The following EPHB2 variants were observed in gnomAD, a reference collection of about 807,000 sequenced individuals.
EPHB2 encodes EPH receptor B2.
Under a neutral mutation model 96.4 loss-of-function variants are expected in EPHB2, and 18 were observed. The observed-to-expected ratio is 0.19, with a 90% CI of 0.13 to 0.28. The LOEUF is 0.28. Ranked by LOEUF, EPHB2 falls within the 10% of genes least tolerant of loss-of-function variation. The pLI is 1.00. For missense variants in EPHB2, 989 were observed against 1,355.4 expected, an observed-to-expected ratio of 0.73 and a Z score of 4.25; for synonymous variants, 506 against 534.1, an observed-to-expected ratio of 0.95 and a Z score of 0.72.
intron 9 of EPHB2, among the ~76,000 whole-genome samples, chr1:22,902,708 C>T (rs180868477): frequency 2.2e-4 from 33 of 152,348 alleles, no homozygotes; most frequent in African/African-American, 6.7e-4. Context: ...AAAGGGTAAA[C>T]TAAGCCCTCA....
intron 3 of EPHB2, among the ~76,000 whole-genome samples, chr1:22,829,331 G>A (rs541365594): frequency 2.6e-5 from 4 of 152,320 alleles, no homozygotes; most frequent in East Asian, 1.9e-4. Context: ...CCCGGTCAGC[G>A]TCTCTCCTTT....
chr1:22,724,748 G>A (rs1643545252), intron 1 of EPHB2, among the ~76,000 whole-genome samples: 1 of 152,200 alleles, frequency 6.6e-6, no homozygotes, highest in South Asian at 2.1e-4. Flanking sequence ...CGCAGGACAT[G>A]GCCCTTTCTC....
At chr1:22,715,901 C>T (rs928995825) in intron 1 of EPHB2, among the ~76,000 whole-genome samples, 1 of 152,240 alleles carries the variant, frequency 6.6e-6, no homozygotes, top group African/African-American at 2.4e-5. Flanking sequence ...CCCTGGGTTC[C>T]TGTGTCAGAC....
intron 1 of EPHB2, among the ~76,000 whole-genome samples, chr1:22,725,319 G>A (rs1365059432): frequency 1.3e-5 from 2 of 152,074 alleles, no homozygotes; most frequent in African/African-American, 4.8e-5. Flanking sequence ...GAGGTAGATT[G>A]TTGAGTGGTT....
chr1:22,752,250 C>T (rs1644074951), intron 1 of EPHB2, among the ~76,000 whole-genome samples: 1 of 152,248 alleles, frequency 6.6e-6, no homozygotes, highest in Non-Finnish European at 1.5e-5. Flanking sequence ...ATAATCCCAG[C>T]ACTTTGGGGG....
intron 14 of EPHB2, among the ~76,000 whole-genome samples, chr1:22,911,190 G>A (rs1481978746): frequency 1.9e-5 from 2 of 106,798 alleles, no homozygotes; most frequent in Non-Finnish European, 4.1e-5. Context: ...AATTACCAAA[G>A]GATCCAGAAT....
chr1:22,717,938 G>A (rs909952824), intron 1 of EPHB2, among the ~76,000 whole-genome samples: 17 of 152,144 alleles, frequency 1.1e-4, no homozygotes, highest in Admixed American at 7.9e-4. Flanking sequence ...GGTAATCATT[G>A]TTCCTAGCTC....
chr1:22,892,654 A>T (rs1416483232), intron 6 of EPHB2, among the ~76,000 whole-genome samples: 1 of 152,218 alleles, frequency 6.6e-6, no homozygotes, highest in East Asian at 1.9e-4. Context: ...CATGTGGACA[A>T]ATTCAACATC....
At chr1:22,756,268 G>T (rs1644148528) in intron 1 of EPHB2, among the ~76,000 whole-genome samples, 1 of 152,146 alleles carries the variant, frequency 6.6e-6, no homozygotes, top group African/African-American at 2.4e-5. Flanking sequence ...GTTCGGGGAA[G>T]GTCTGTGTGG....
chr1:22,892,844 A>G, intron 6 of EPHB2, 40 bp from the exon 7 acceptor site: 1 of 1,614,108 alleles, frequency 6.2e-7, no homozygotes. Flanking sequence ...ACCCACTATG[A>G]GCCACAACCT....
Position 22,908,011 on chromosome 1 carries a change from C to G in EPHB2, c.2195C>G (p.Ala732Gly), listed in dbSNP as rs1639972252. ...GTGGGCATGCTTCGGGGCATCGCAG[C>G]TGGCATGAAGTACCTGGCAGACATG... ...QLVGMLRGIAAGMKYLADMNY... is the reference protein window; with the variant it reads ...QLVGMLRGIAGGMKYLADMNY... Residue 732 changes from alanine to glycine, a missense_variant, in exon 12 of 16, where the codon GCT (alanine) becomes GGT (glycine). Coordinates refer to ENST00000374630, the MANE Select transcript of EPHB2 (RefSeq NM_017449.5). The G allele has an allele frequency of 1.2e-6, 2 of 1,614,272 alleles. No homozygotes were observed. Among genetic ancestry groups the G allele is most frequent in the Non-Finnish European group, 1.7e-6 (2 of 1,180,048 alleles).
intron 7 of EPHB2, among the ~76,000 whole-genome samples, chr1:22,894,827 CT>C (rs1398184083): frequency 6.6e-6 from 1 of 152,114 alleles, no homozygotes; most frequent in Non-Finnish European, 1.5e-5. Flanking sequence ...GTTTCTTCAT[CT>C]GTAAAATGGG....
intron 11 of EPHB2, 29 bp from the exon 12 acceptor site, chr1:22,907,924 A>G: frequency 6.2e-7 from 1 of 1,611,468 alleles, no homozygotes; most frequent in Non-Finnish European, 8.5e-7. Context: ...TCTTCTGTTT[A>G]CTCTGTGTTT....
At chr1:22,822,951 G>A (rs1645172571) in intron 3 of EPHB2, among the ~76,000 whole-genome samples, 1 of 152,258 alleles carries the variant, frequency 6.6e-6, no homozygotes, top group Admixed American at 6.5e-5. Flanking sequence ...AGGCCTCCAG[G>A]AGACAGTTTG....
chr1:22,827,963 A>T (rs1235984787), intron 3 of EPHB2, among the ~76,000 whole-genome samples: 1 of 152,226 alleles, frequency 6.6e-6, no homozygotes. Context: ...CCAGGGCTAT[A>T]AACGTGAGCA....
intron 1 of EPHB2, among the ~76,000 whole-genome samples, chr1:22,713,844 G>A (rs1643224292): frequency 6.6e-6 from 1 of 152,190 alleles, no homozygotes; most frequent in Non-Finnish European, 1.5e-5. Context: ...GTGTATACGG[G>A]GGGTTTCTAG....
chr1:22,854,433 G>A (rs1645670127), intron 3 of EPHB2, among the ~76,000 whole-genome samples: 1 of 152,152 alleles, frequency 6.6e-6, no homozygotes, highest in South Asian at 2.1e-4. Flanking sequence ...GATCACATGA[G>A]CCCAGGAAGT....
chr1:22,829,128 A>G (rs937064289), intron 3 of EPHB2, among the ~76,000 whole-genome samples: 18 of 152,190 alleles, frequency 1.2e-4, no homozygotes, highest in African/African-American at 4.3e-4. Context: ...GATCCTGTGC[A>G]AAGCACGTGA....
chr1:22,816,361 G>A (rs756168747), intron 3 of EPHB2, among the ~76,000 whole-genome samples: 3 of 152,076 alleles, frequency 2.0e-5, no homozygotes, highest in African/African-American at 7.2e-5. Context: ...CCCATGCCCC[G>A]TGGAAGTTTC....
Sources: allele counts gnomAD v4.1 joint callset (sites outside exome capture counted in the v4.1 genomes callset), GRCh38; gene constraint gnomAD v4.1.1; transcripts MANE v1.5; gene names NCBI Gene and HGNC (gene_info 2026-07-23, HGNC 2026-07-21).